Variants in HUWE1 observed in about 807,000 individuals in gnomAD.
HUWE1 encodes the protein E3 ubiquitin-protein ligase HUWE1.
HUWE1 carries 18 observed loss-of-function variants against 299.4 expected under a neutral mutation model. The observed-to-expected ratio is 0.06, with a 90% CI of 0.04 to 0.09. The LOEUF (loss-of-function observed/expected upper bound fraction) is 0.09, where lower values mean the gene tolerates loss of function less well. HUWE1 is among the 10% of genes least tolerant of loss of function. The pLI is 1.00. For synonymous variants in HUWE1, 1,317 were observed against 1,286.1 expected (o/e 1.02, Z -0.51); for missense variants, 1,832 against 3,462.3 (o/e 0.53, Z 11.82).
chrX:53,534,364 T>C (rs1556909799), intron 82 of HUWE1, 152 bp downstream of exon 82: 4 of 662,310 alleles, frequency 6.0e-6, no homozygotes. Context: ...AGAAGTCTGC[T>C]ATGCTTCAGG....
At chrX:53,640,912 T>G (rs781882248) in intron 7 of HUWE1, among the ~76,000 whole-genome samples, 33 of 112,262 alleles carry the variant, frequency 2.9e-4, no homozygotes, top group African/African-American at 1.1e-3. Flanking sequence ...GTATGAAATA[T>G]TAGTGTGTTT....
chrX:53,603,123 T>C (rs2064967012), intron 27 of HUWE1, among the ~76,000 whole-genome samples: 1 of 111,882 alleles, frequency 8.9e-6, no homozygotes. Context: ...AGTGCTGAGA[T>C]TACAGGCGTG....
chrX:53,626,544 A>G (rs1485426411), intron 17 of HUWE1, among the ~76,000 whole-genome samples: 1 of 111,663 alleles, frequency 9.0e-6, no homozygotes, highest in Non-Finnish European at 1.9e-5. Context: ...CATACTTAAC[A>G]TCAACATGTA....
At chrX:53,596,440 A>C (rs1328170144) in intron 29 of HUWE1, among the ~76,000 whole-genome samples, 1 of 112,593 alleles carries the variant, frequency 8.9e-6, no homozygotes, top group Non-Finnish European at 1.9e-5. Context: ...AATTATAAAA[A>C]TTTAATATTT....
chrX:53,628,250 A>G (rs1251666320), intron 15 of HUWE1, among the ~76,000 whole-genome samples: 3 of 111,065 alleles, frequency 2.7e-5, no homozygotes, highest in Non-Finnish European at 3.8e-5. Context: ...TTTAACCAGA[A>G]CCCATGACCT....
At chrX:53,584,419 C>T in intron 40 of HUWE1, 74 bp from the exon 41 acceptor site, 3 of 870,628 alleles carry the variant, frequency 3.4e-6, no homozygotes, top group Non-Finnish European at 5.0e-6. Context: ...GGAGGGACAT[C>T]TCCCAGGTAA....
intron 42 of HUWE1, among the ~76,000 whole-genome samples, chrX:53,582,537 A>G (rs1191122420): frequency 1.8e-5 from 2 of 112,807 alleles, no homozygotes; most frequent in African/African-American, 6.4e-5. Context: ...AAAATCTCTA[A>G]GTAACGATCT....
At chrX:53,557,213 T>C in intron 60 of HUWE1, 169 bp downstream of exon 60, 1 of 568,259 alleles carries the variant, frequency 1.8e-6, no homozygotes, top group Non-Finnish European at 3.2e-6. Flanking sequence ...CAGTAGACTG[T>C]ATAGTTATCT....
intron 9 of HUWE1, chrX:53,632,043 T>C (rs1459622202): frequency 2.9e-6 from 1 of 340,062 alleles, no homozygotes. Flanking sequence ...AGAAATTGTA[T>C]TTTCACTAAG....
chrX:53,651,361 C>T (rs1020804255), intron 4 of HUWE1, among the ~76,000 whole-genome samples: 15 of 111,090 alleles, frequency 1.4e-4, no homozygotes, highest in African/African-American at 4.9e-4. Flanking sequence ...GATCTACCCT[C>T]GTAACAAATT....
intron 17 of HUWE1, among the ~76,000 whole-genome samples, chrX:53,627,039 T>C (rs1416713070): frequency 9.0e-6 from 1 of 111,006 alleles, no homozygotes; most frequent in African/African-American, 3.3e-5. Flanking sequence ...TTCTAACACC[T>C]AGGATGTTAT....
chrX:53,683,504 C>T (rs782196266), intron 2 of HUWE1, among the ~76,000 whole-genome samples: 2 of 111,120 alleles, frequency 1.8e-5, no homozygotes, highest in African/African-American at 6.5e-5. Context: ...TAACCCCCAA[C>T]CCCACTCCCC....
intron 27 of HUWE1, 51 bp downstream of exon 27, chrX:53,603,317 G>A (rs782756690): frequency 3.4e-6 from 4 of 1,169,804 alleles, no homozygotes; most frequent in African/African-American, 3.6e-5. Context: ...AATCCTCCAG[G>A]CTCACCGAAC....
chrX:53,602,890 G>A lies in HUWE1; in HGVS notation c.2877-232C>T, dbSNP rs140414461. Among the ~76,000 whole-genome samples, 2,319 of 97,940 alleles carry A rather than the reference G, an allele frequency of 0.024. 26 individuals are homozygous for A. The highest frequency in any genetic ancestry group is 0.038 in the Middle Eastern group (7 of 186). The allele number at this position is 97,940 out of a possible 115,157, so 85.0% of individuals were successfully genotyped here. A position where few individuals can be genotyped will look rare whatever the true frequency, so the allele number is the denominator to read the frequency against. On this transcript the variant is annotated intron_variant, in intron 27 of 83. Transcript: ENST00000262854. ...TTTGGAGACCCAGTCTCACTCTTTC[G>A]CCTGGGCTGGAGTGCAGTGGCATGA...
intron 43 of HUWE1, among the ~76,000 whole-genome samples, chrX:53,579,156 G>C (rs1489810337): frequency 1.4e-5 from 1 of 69,347 alleles, no homozygotes; most frequent in Admixed American, 1.4e-4. Flanking sequence ...GGGAAGTGAG[G>C]ACCCCTCTGC....
chrX:53,641,975 G>A (rs1422904155), intron 7 of HUWE1, among the ~76,000 whole-genome samples: 1 of 111,048 alleles, frequency 9.0e-6, no homozygotes, highest in Non-Finnish European at 1.9e-5. Context: ...GTGGATACCC[G>A]AAAATACAGG....
chrX:53,670,981 A>G (rs1347980119), intron 3 of HUWE1, among the ~76,000 whole-genome samples: 3 of 112,418 alleles, frequency 2.7e-5, no homozygotes, highest in Non-Finnish European at 5.6e-5. Context: ...TATACTAAAC[A>G]TATCACAGTG....
intron 19 of HUWE1, among the ~76,000 whole-genome samples, chrX:53,621,319 C>A (rs1033086297): frequency 9.1e-6 from 1 of 110,490 alleles, no homozygotes; most frequent in Non-Finnish European, 1.9e-5. Context: ...CAGCTCAATG[C>A]CAAACTTCTT....
At chrX:53,569,945 T>C in intron 47 of HUWE1, 118 bp from the exon 48 acceptor site, 3 of 624,430 alleles carry the variant, frequency 4.8e-6, no homozygotes, top group Admixed American at 2.7e-5. Context: ...GAGTGATTAT[T>C]AGGTCCACTT....
Sources: gnomAD v4.1 joint callset for allele counts (sites outside exome capture counted in the v4.1 genomes callset) on GRCh38, gnomAD v4.1.1 for gene constraint, MANE v1.5 for transcripts, NCBI Gene and HGNC (gene_info 2026-07-23, HGNC 2026-07-21) for gene names.